Variants in YLPM1 observed in about 807,000 individuals in gnomAD.
YLPM1 encodes YLP motif-containing protein 1.
Under a neutral mutation model 230.0 loss-of-function variants are expected in YLPM1, and 99 were observed. The observed-to-expected ratio is 0.43, with a 90% CI of 0.37 to 0.51. The LOEUF (loss-of-function observed/expected upper bound fraction) is 0.51, where lower values mean the gene tolerates loss of function less well. Among genes scored for constraint, YLPM1 ranks in the 20% least tolerant of loss-of-function variants. The pLI, the probability that YLPM1 is intolerant of heterozygous loss-of-function variation, is 0.00. For missense variants in YLPM1, 2,592 were observed against 2,707.7 expected, an observed-to-expected ratio of 0.96 and a Z score of 0.95; for synonymous variants, 984 against 942.5, an observed-to-expected ratio of 1.04 and a Z score of -0.81.
At chr14:74,812,878 A>G in intron 11 of YLPM1, 96 bp downstream of exon 11, 1 of 1,418,478 alleles carries the variant, frequency 7.0e-7, no homozygotes, top group Non-Finnish European at 9.4e-7. Flanking sequence ...TCTGCAACAT[A>G]GTAATAATAT....
At chr14:74,792,725 G>A (rs2091218819) in intron 4 of YLPM1, among the ~76,000 whole-genome samples, 3 of 152,130 alleles carry the variant, frequency 2.0e-5, no homozygotes, top group Admixed American at 2.0e-4. Context: ...GAAAAATAAA[G>A]TTTTCGTTCT....
At chr14:74,796,337 G>A (rs1451005422) in intron 4 of YLPM1, among the ~76,000 whole-genome samples, 1 of 152,096 alleles carries the variant, frequency 6.6e-6, no homozygotes, top group Admixed American at 6.5e-5. Flanking sequence ...TTCCAAACAT[G>A]CTCTGCTGAT....
At chr14:74,799,754 T>C (rs759764234) in intron 5 of YLPM1, 57 bp downstream of exon 5, 2 of 1,491,498 alleles carry the variant, frequency 1.3e-6, no homozygotes, top group Non-Finnish European at 1.8e-6. Context: ...AGACTGCTCT[T>C]TTTAAAGTGA....
chr14:74,816,015 A>T (rs1452380005), intron 11 of YLPM1, among the ~76,000 whole-genome samples, 188 bp from the exon 12 acceptor site: 1 of 152,034 alleles, frequency 6.6e-6, no homozygotes, highest in East Asian at 1.9e-4. Context: ...ATTAATTTCT[A>T]ATTTCATTCC....
At position 74,810,263 on chromosome 14, in the gene YLPM1, G is replaced by A. The variant is rs778982076; in HGVS notation, c.5071G>A (p.Asp1691Asn). The change falls in exon 9 of 21, where the codon GAT (aspartate) becomes AAT (asparagine). Residue 1691 changes from aspartate to asparagine, a missense_variant. Physicochemically the swap from Asp to Asn is conservative, Grantham distance 23 (BLOSUM62 1). Around this residue, in one of 4 missense-constraint regions of YLPM1, gnomAD observed 403 missense variants for 426.7 expected, o/e 0.94. Transcript: ENST00000325680. The part of the protein sequence containing the change: ...GQRDRYDRER[D>N]REPYFDRQSN... ...ACGTGATCGTTATGATAGAGAAAGA[G>A]ATCGTGAGCCTTATTTTGATCGTCA... is the stretch of plus-strand genomic sequence containing the variant. 6.2e-7 allele frequency: 1 copy of A among 1,613,862 alleles called. No individual in the cohort carries two copies. The highest frequency in any genetic ancestry group is 8.5e-7 in the Non-Finnish European group (1 of 1,179,864).
chr14:74,821,969 A>G lies in YLPM1; in HGVS notation c.6111+832A>G, dbSNP rs545150952. Reference sequence around the variant, plus strand: ...GAGAACTCTGATTCCTACCCCCTAGAGTATACAGAATCTCCAGGGAGTGGT... The same window carrying G: ...GAGAACTCTGATTCCTACCCCCTAGGGTATACAGAATCTCCAGGGAGTGGT... On this transcript the variant is annotated intron_variant, in intron 17 of 20. Coordinates refer to ENST00000325680, the MANE Select transcript of YLPM1 (RefSeq NM_019589.3). 9.2e-5 allele frequency: 14 copies of G among 152,258 alleles called. No homozygotes were observed. In the South Asian group the frequency reaches 2.9e-3, roughly 32 times the overall value. 9.4% of individuals were successfully genotyped at this position (152,258 alleles called of 1,614,324 possible).
At chr14:74,775,868 A>C (rs927974119) in intron 1 of YLPM1, among the ~76,000 whole-genome samples, 1 of 152,184 alleles carries the variant, frequency 6.6e-6, no homozygotes, top group African/African-American at 2.4e-5. Flanking sequence ...TTTTTACTGT[A>C]AAGTACTGTT....
chr14:74,820,971 G>C, intron 16 of YLPM1, 86 bp from the exon 17 acceptor site: 1 of 1,347,996 alleles, frequency 7.4e-7, no homozygotes, highest in Non-Finnish European at 9.6e-7. Flanking sequence ...CTGGGCAACT[G>C]TATTCATTCC....
intron 1 of YLPM1, among the ~76,000 whole-genome samples, chr14:74,777,161 A>T (rs2091049514): frequency 2.0e-5 from 3 of 152,202 alleles, no homozygotes; most frequent in Non-Finnish European, 4.4e-5. Context: ...TACTAAGCTT[A>T]TTGTTGTAAT....
At chr14:74,773,646 T>C (rs2140076874) in intron 1 of YLPM1, among the ~76,000 whole-genome samples, 1 of 152,044 alleles carries the variant, frequency 6.6e-6, no homozygotes, top group African/African-American at 2.4e-5. Context: ...TGGAAGGAAG[T>C]GTTTTAATGC....
chr14:74,781,346 G>A lies in YLPM1; in HGVS notation c.1303G>A (p.Asp435Asn). The stretch of plus-strand genomic sequence containing the variant: ...CCTTTATTTGTAGACCATGTCTGTA[G>A]ATATGCAGCTGCGGCATTATGAGAT... ...PPPHIQTMSVDMQLRHYEMQQ... is the reference protein window; with the variant it reads ...PPPHIQTMSVNMQLRHYEMQQ... Residue 435 changes from aspartate to asparagine, a missense_variant, in exon 4 of 21, where the codon GAT becomes AAT. Physicochemically the swap from Asp to Asn is conservative, Grantham distance 23. Coordinates refer to ENST00000325680, the MANE Select transcript of YLPM1 (RefSeq NM_019589.3). 1 of 1,564,102 alleles carries A rather than the reference G, an allele frequency of 6.4e-7. No individual in the cohort carries two copies. The highest frequency in any genetic ancestry group is 2.4e-5 in the East Asian group (1 of 42,352).
At chr14:74,811,577 A>T in intron 9 of YLPM1, 43 bp from the exon 10 acceptor site, 1 of 1,491,020 alleles carries the variant, frequency 6.7e-7, no homozygotes, top group South Asian at 1.2e-5. Flanking sequence ...GAGAACCCCA[A>T]ATATTTTTTA....
Position 74,781,416 on chromosome 14 carries a change from A to G in YLPM1, c.1373A>G (p.Glu458Gly), listed in dbSNP as rs1399891834. 1.9e-6 allele frequency: 3 copies of G among 1,605,614 alleles called. No homozygotes were observed. Among genetic ancestry groups the G allele is most frequent in the Admixed American group, 1.7e-5 (1 of 58,434 alleles). The change falls in exon 4 of 21, where the codon GAG (glutamate) becomes GGG (glycine). Residue 458 changes from glutamate (E) to glycine (G), a missense_variant. Transcript: ENST00000325680. ...CATCTTTACCAAGAATGGGAGCGAG[A>G]GTTTCAGCTATGGGAGGAACAACTC... ...FQHLYQEWER[E>G]FQLWEEQLHS...
At chr14:74,770,992 C>G (rs1365171433) in intron 1 of YLPM1, among the ~76,000 whole-genome samples, 2 of 152,142 alleles carry the variant, frequency 1.3e-5, no homozygotes, top group Non-Finnish European at 2.9e-5. Context: ...TATTTAGCTG[C>G]TAGAATTCAC....
At position 74,781,965 on chromosome 14, in the gene YLPM1, G is replaced by A. The variant is rs2091099163; in HGVS notation, c.1922G>A (p.Gly641Glu). 1.2e-6 allele frequency: 2 copies of A among 1,613,408 alleles called. No individual in the cohort carries two copies. The highest frequency in any genetic ancestry group is 1.7e-6 in the Non-Finnish European group (2 of 1,179,652). Residue 641 changes from glycine to glutamate, a missense_variant, in exon 4 of 21, where the codon GGG becomes GAG. Gly to Glu is a moderately conservative substitution (Grantham distance 98, BLOSUM62 -2). Around this residue, in one of 4 missense-constraint regions of YLPM1, gnomAD observed 1,862 missense variants for 1,819.8 expected, o/e 1.02. Coordinates refer to ENST00000325680, the MANE Select transcript of YLPM1 (RefSeq NM_019589.3). Reference protein sequence around the residue: ...PGIPPPGVPQGIPPQLTAAPV... With the variant: ...PGIPPPGVPQEIPPQLTAAPV... ...ATACCTCCCCCTGGAGTTCCACAAG[G>A]GATACCTCCTCAGTTAACAGCAGCC...
At chr14:74,792,435 A>T (rs1185362005) in intron 4 of YLPM1, among the ~76,000 whole-genome samples, 4 of 152,224 alleles carry the variant, frequency 2.6e-5, no homozygotes, top group African/African-American at 7.2e-5. Flanking sequence ...TCTCAGGAGA[A>T]GCGGCCCTTC....
chr14:74,780,764 A>G lies in YLPM1; in HGVS notation c.1290+180A>G, dbSNP rs1056127563. Among the ~76,000 whole-genome samples the G allele has an allele frequency of 4.6e-5, 7 of 152,328 alleles. No homozygotes were observed. In the East Asian group the frequency reaches 1.4e-3, roughly 29 times the overall value. On this transcript the variant is annotated intron_variant, in intron 3 of 20. Coordinates refer to ENST00000325680, the MANE Select transcript of YLPM1 (RefSeq NM_019589.3). ...CTGGGGGACTGGGGAGGGGTTGGTT[A>G]TAGTAGAGTTTCCTGATCATGTCAA...
chr14:74,815,379 C>T (rs780599791), intron 11 of YLPM1, among the ~76,000 whole-genome samples: 21 of 151,988 alleles, frequency 1.4e-4, no homozygotes, highest in Admixed American at 7.9e-4. Context: ...CTGGTCAACA[C>T]GGTGAAACCC....
chr14:74,792,180 A>T lies in YLPM1; in HGVS notation c.2283-5400A>T, dbSNP rs17102497. Among the ~76,000 whole-genome samples the T allele has an allele frequency of 6.8e-3, 1,041 of 152,260 alleles. 19 individuals are homozygous for T. Among genetic ancestry groups the T allele is most frequent in the East Asian group, 0.033 (170 of 5,190 alleles). On this transcript the variant is annotated intron_variant, in intron 4 of 20. Coordinates refer to ENST00000325680, the MANE Select transcript of YLPM1 (RefSeq NM_019589.3). ...CTCCATCCTTAGCATTGTGATGTATATACTTTGACAAGTTTCTGGTCACCT... is the reference window on the plus strand; with the variant it reads ...CTCCATCCTTAGCATTGTGATGTATTTACTTTGACAAGTTTCTGGTCACCT...
Sources: allele counts gnomAD v4.1 joint callset (sites outside exome capture counted in the v4.1 genomes callset), GRCh38; gene constraint gnomAD v4.1.1; regional missense constraint gnomAD v4.1.1; transcripts MANE v1.5; gene names NCBI Gene and HGNC (gene_info 2026-07-23, HGNC 2026-07-21).